The following ZNF578 variants were observed in gnomAD, a reference collection of about 807,000 sequenced individuals.
ZNF578 encodes zinc finger protein 578.
In ZNF578, 8 loss-of-function variants were observed where a neutral mutation model predicts 8.3. The ratio of observed to expected loss-of-function variants is 0.96; its 90% CI spans 0.56 to 1.74. The LOEUF (loss-of-function observed/expected upper bound fraction) is 1.74. ZNF578 is among the 40% of genes most tolerant of loss of function. ZNF578 has a pLI of 0.00. For missense variants in ZNF578, 726 were observed against 707.5 expected (o/e 1.03, Z -0.30); for synonymous variants, 206 against 232.2 (o/e 0.89, Z 1.03).
rs11318311 is a variant in ZNF578 at position 52,513,337 on chromosome 19, CTTTTTTTTTTT to C, written c.*1197_*1207del. On this transcript the variant is annotated 3_prime_UTR_variant, in exon 6 of 6. Coordinates refer to ENST00000421239, the MANE Select transcript of ZNF578 (RefSeq NM_001099694.2). ...GCGCCTGGCATTGTTTCTTCTTTTCCTTTTTTTTTTTTTTTTTTTTTTTTGAGATAGTACTT... is the reference window on the plus strand; with the variant it reads ...GCGCCTGGCATTGTTTCTTCTTTTCCTTTTTTTTTTTTTGAGATAGTACTT... Among the ~76,000 whole-genome samples the C allele has an allele frequency of 2.0e-5, 2 of 101,342 alleles. No homozygotes were observed. Among genetic ancestry groups the C allele is most frequent in the African/African-American group, 3.4e-5 (1 of 29,702 alleles). 66.5% of individuals were successfully genotyped at this position (101,342 alleles called of 152,430 possible). A position where few individuals can be genotyped will look rare whatever the true frequency, so the allele number is the denominator to read the frequency against.
At chr19:52,498,687 T>A (rs1174268836) in intron 3 of ZNF578, among the ~76,000 whole-genome samples, 1 of 142,356 alleles carries the variant, frequency 7.0e-6, no homozygotes, top group East Asian at 2.0e-4. Flanking sequence ...CTGGCCGCTT[T>A]TTTTTTTTTT....
intron 2 of ZNF578, among the ~76,000 whole-genome samples, chr19:52,467,568 TC>T (rs2059279352): frequency 6.6e-6 from 1 of 151,680 alleles, no homozygotes; most frequent in Admixed American, 6.6e-5. Flanking sequence ...GTGAGCATGA[TC>T]AAACCACTGC....
intron 2 of ZNF578, among the ~76,000 whole-genome samples, chr19:52,463,694 A>C (rs1474149502): frequency 6.6e-6 from 1 of 152,220 alleles, no homozygotes; most frequent in African/African-American, 2.4e-5. Flanking sequence ...ACATAAGCTG[A>C]ATCTGAAACA....
intron 2 of ZNF578, among the ~76,000 whole-genome samples, chr19:52,485,131 C>T (rs188032727): frequency 8.4e-4 from 127 of 151,788 alleles, no homozygotes; most frequent in African/African-American, 2.9e-3. Context: ...ATCTGGTGGC[C>T]CCAAATTTAT....
At chr19:52,487,920 A>G (rs1019350644) in intron 2 of ZNF578, among the ~76,000 whole-genome samples, 4 of 149,688 alleles carry the variant, frequency 2.7e-5, no homozygotes, top group African/African-American at 9.9e-5. Flanking sequence ...TACAGATTAC[A>G]GGGATGGCCC....
Position 52,482,982 on chromosome 19 carries a change from C to T in ZNF578, c.-121-8342C>T, listed in dbSNP as rs2059332337. ...AAAAATAGCCAAGGATGGTGGCATG[C>T]ATCTGTAGTCCCATCTACTTGGGAG... is the stretch of plus-strand genomic sequence containing the variant. On this transcript the variant is annotated intron_variant, in intron 2 of 5. Coordinates refer to ENST00000421239, the MANE Select transcript of ZNF578 (RefSeq NM_001099694.2). 3.3e-5 allele frequency among the ~76,000 whole-genome samples: 5 copies of T among 150,308 alleles called. No individual in the cohort carries two copies. In the South Asian group the frequency reaches 8.4e-4, roughly 25 times the overall value.
intron 2 of ZNF578, among the ~76,000 whole-genome samples, chr19:52,461,989 G>A (rs981570018): frequency 2.0e-5 from 3 of 152,094 alleles, no homozygotes; most frequent in Admixed American, 6.6e-5. Context: ...TTTTAGTTTT[G>A]TCTTTCATCT....
At chr19:52,484,856 ACT>A (rs1235987997) in intron 2 of ZNF578, among the ~76,000 whole-genome samples, 2 of 148,156 alleles carry the variant, frequency 1.3e-5, no homozygotes, top group African/African-American at 2.5e-5. Context: ...CCCTTCACTG[ACT>A]CTCTTTTTGG....
chr19:52,506,462 C>CTTTTTT (rs35676968), intron 5 of ZNF578, among the ~76,000 whole-genome samples: 2 of 109,154 alleles, frequency 1.8e-5, no homozygotes, highest in African/African-American at 3.3e-5. Flanking sequence ...AGTACAGTTT[C>CTTTTTT]TTTTTTTTTT....
chr19:52,510,720 T>G lies in ZNF578; in HGVS notation c.339T>G (p.Phe113Leu). The change falls in exon 6 of 6, where the codon TTT (phenylalanine) becomes TTG (leucine). Residue 113 changes from phenylalanine to leucine, a missense_variant. Transcript: ENST00000421239. Reference protein sequence around the residue: ...FQEIEKDIHDFEFQSQKDERN... With the variant: ...FQEIEKDIHDLEFQSQKDERN... ...AAATTGAAAAAGATATTCATGACTT[T>G]GAGTTTCAGTCACAAAAAGATGAAA... is the stretch of plus-strand genomic sequence containing the variant. 1.9e-6 allele frequency: 3 copies of G among 1,612,616 alleles called. No individual in the cohort carries two copies. In the African/African-American group the frequency reaches 4.0e-5, roughly 22 times the overall value.
chr19:52,462,699 T>C (rs2059262660), intron 2 of ZNF578, among the ~76,000 whole-genome samples: 1 of 149,684 alleles, frequency 6.7e-6, no homozygotes, highest in African/African-American at 2.5e-5. Flanking sequence ...TTTGTCTTCA[T>C]GTGGTCAGCT....
chr19:52,507,376 A>G (rs1336633497), intron 5 of ZNF578, among the ~76,000 whole-genome samples: 2 of 152,012 alleles, frequency 1.3e-5, no homozygotes, highest in African/African-American at 2.4e-5. Flanking sequence ...TGACAGAGTT[A>G]GATTCCGTTT....
At chr19:52,460,206 T>A (rs1221323156) in intron 2 of ZNF578, among the ~76,000 whole-genome samples, 1 of 152,020 alleles carries the variant, frequency 6.6e-6, no homozygotes, top group Non-Finnish European at 1.5e-5. Context: ...GTAGTACTGT[T>A]TTTAATATTT....
At chr19:52,506,027 G>A (rs1651535426) in intron 5 of ZNF578, among the ~76,000 whole-genome samples, 1 of 151,554 alleles carries the variant, frequency 6.6e-6, no homozygotes, top group Admixed American at 6.6e-5. Context: ...CCTCTTGAGT[G>A]GCTGGGATTA....
chr19:52,470,939 T>C (rs324118), intron 2 of ZNF578, among the ~76,000 whole-genome samples: 145,009 of 152,278 alleles, frequency 0.95, 69,320 homozygotes, highest in African/African-American at 0.98. Context: ...GGGCATTTCA[T>C]GTGGTTTGAC....
intron 5 of ZNF578, among the ~76,000 whole-genome samples, chr19:52,508,893 ATTTTTTTTTTT>A (rs869062581): frequency 4.9e-5 from 4 of 82,046 alleles, no homozygotes; most frequent in Non-Finnish European, 8.7e-5. Flanking sequence ...CTATTAGTCA[ATTTTTTTTTTT>A]TTTTTTTTTT....
chr19:52,511,152 A>G lies in ZNF578; in HGVS notation c.771A>G (p.Lys257=), dbSNP rs1403157338. 3 of 1,614,192 alleles carry G rather than the reference A, an allele frequency of 1.9e-6. No individual in the cohort carries two copies. The highest frequency in any genetic ancestry group is 2.5e-6 in the Non-Finnish European group (3 of 1,179,998). Residue 257 remains lysine (K), a synonymous_variant, in exon 6 of 6, where the codon AAA becomes AAG. Coordinates refer to ENST00000421239, the MANE Select transcript of ZNF578 (RefSeq NM_001099694.2). ...ATCAGATAATCCATTTAGGAGAAAA[A>G]CAATATAAATTTGATATATGTGGCA... The part of the protein sequence containing the change: ...RKHQIIHLGE[K]QYKFDICGKV...
intron 2 of ZNF578, among the ~76,000 whole-genome samples, chr19:52,461,861 T>A (rs1171525385): frequency 6.6e-6 from 1 of 152,192 alleles, no homozygotes; most frequent in African/African-American, 2.4e-5. Context: ...TCAGGGCCTA[T>A]TATTGGATTA....
Position 52,465,623 on chromosome 19 carries a change from A to G in ZNF578, c.-122+8665A>G, listed in dbSNP as rs201035890. ...CTCTTTCCCAGTCTTTCAATTCCAA[A>G]GTTCCCTCTTTAGGCAACCAAGGAC... On this transcript the variant is annotated intron_variant, in intron 2 of 5. Coordinates refer to ENST00000421239, the MANE Select transcript of ZNF578 (RefSeq NM_001099694.2). Among the ~76,000 whole-genome samples, 5 of 152,248 alleles carry G rather than the reference A, an allele frequency of 3.3e-5. No homozygotes were observed. The East Asian group carries it at 7.7e-4, about 24-fold the overall frequency.
Sources: allele counts gnomAD v4.1 joint callset (sites outside exome capture counted in the v4.1 genomes callset), GRCh38; gene constraint gnomAD v4.1.1; transcripts MANE v1.5; gene names NCBI Gene and HGNC (gene_info 2026-07-23, HGNC 2026-07-21).